Variants in GABBR2 observed in about 807,000 individuals in gnomAD.
GABBR2 encodes the protein gamma-aminobutyric acid type B receptor subunit 2.
GABBR2 carries 23 observed loss-of-function variants against 105.6 expected under a neutral mutation model. That is an observed-to-expected ratio of 0.22 (90% CI 0.16 to 0.31). The LOEUF (loss-of-function observed/expected upper bound fraction) is 0.31. Among genes scored for constraint, GABBR2 ranks in the 10% least tolerant of loss-of-function variants. The pLI is 1.00. For synonymous variants in GABBR2, 478 were observed against 499.7 expected (o/e 0.96, Z 0.58); for missense variants, 734 against 1,245.5 (o/e 0.59, Z 6.18).
intron 4 of GABBR2, among the ~76,000 whole-genome samples, chr9:98,494,114 G>T (rs961540847): frequency 6.6e-6 from 1 of 152,212 alleles, no homozygotes; most frequent in African/African-American, 2.4e-5. Flanking sequence ...GCCACAAACT[G>T]CCAAGGATTA....
At chr9:98,463,602 C>T (rs529089402) in intron 6 of GABBR2, among the ~76,000 whole-genome samples, 2 of 45,076 alleles carry the variant, frequency 4.4e-5, no homozygotes, top group South Asian at 6.5e-4. Flanking sequence ...TCTCGCTCTC[C>T]GTCTCGCTCT....
intron 2 of GABBR2, among the ~76,000 whole-genome samples, chr9:98,560,222 A>T (rs1384129332): frequency 6.6e-6 from 1 of 152,144 alleles, no homozygotes; most frequent in Non-Finnish European, 1.5e-5. Flanking sequence ...TCAACCCCTA[A>T]ACAGTGAAAA....
At chr9:98,421,299 G>A (rs1285544318) in intron 7 of GABBR2, among the ~76,000 whole-genome samples, 1 of 152,084 alleles carries the variant, frequency 6.6e-6, no homozygotes, top group East Asian at 1.9e-4. Context: ...CGAAAAGCAA[G>A]TATGTATAAA....
chr9:98,527,049 T>C (rs535068249), intron 3 of GABBR2, among the ~76,000 whole-genome samples: 79 of 149,194 alleles, frequency 5.3e-4, no homozygotes, highest in African/African-American at 1.9e-3. Context: ...TGAAGCAATA[T>C]TAACGACAAT....
chr9:98,433,288 G>C (rs1825844775), intron 7 of GABBR2, among the ~76,000 whole-genome samples: 1 of 152,182 alleles, frequency 6.6e-6, no homozygotes, highest in African/African-American at 2.4e-5. Flanking sequence ...GCATGCTTGA[G>C]AGAGAATCTA....
intron 12 of GABBR2, among the ~76,000 whole-genome samples, chr9:98,367,516 G>C (rs570022184): frequency 6.6e-6 from 1 of 152,250 alleles, no homozygotes; most frequent in East Asian, 1.9e-4. Flanking sequence ...TGGAGTTTCA[G>C]TTTGGGAAGA....
intron 1 of GABBR2, among the ~76,000 whole-genome samples, chr9:98,696,270 G>A (rs1163086523): frequency 6.6e-6 from 1 of 152,234 alleles, no homozygotes; most frequent in Non-Finnish European, 1.5e-5. Flanking sequence ...TGTGCAGGGA[G>A]GAGCACACTC....
intron 11 of GABBR2, among the ~76,000 whole-genome samples, chr9:98,385,103 C>T (rs1334865594): frequency 6.6e-6 from 1 of 152,156 alleles, no homozygotes; most frequent in Non-Finnish European, 1.5e-5. Flanking sequence ...GACTCTGACC[C>T]TTGGCGCTGA....
chr9:98,311,233 G>C, intron 13 of GABBR2, 28 bp from the exon 14 acceptor site: 1 of 1,375,700 alleles, frequency 7.3e-7, no homozygotes. Flanking sequence ...AGAGACTCAG[G>C]GATGGCACAG....
At chr9:98,544,265 C>T (rs1321980080) in intron 2 of GABBR2, among the ~76,000 whole-genome samples, 3 of 152,222 alleles carry the variant, frequency 2.0e-5, no homozygotes, top group African/African-American at 2.4e-5. Flanking sequence ...CCTAGAACCA[C>T]GTTCCCCTTA....
chr9:98,343,795 T>C lies in GABBR2; in HGVS notation c.1893+18920A>G, dbSNP rs185449881. On this transcript the variant is annotated intron_variant, in intron 13 of 18. Transcript: ENST00000259455. The stretch of plus-strand genomic sequence containing the variant: ...ATGTCGTGAACCCGGGAGGTGGAGC[T>C]TGCAGTGAGCCGAGATTGCCCCACT... Among the ~76,000 whole-genome samples, 1,013 of 151,948 alleles carry C rather than the reference T, an allele frequency of 6.7e-3. 15 individuals are homozygous for C. The highest frequency in any genetic ancestry group is 0.023 in the African/African-American group (952 of 41,402).
chr9:98,449,500 A>G (rs1826195214), intron 7 of GABBR2, among the ~76,000 whole-genome samples: 1 of 152,180 alleles, frequency 6.6e-6, no homozygotes. Context: ...AGAATCTCTC[A>G]GACTGCTGTT....
chr9:98,317,462 G>A (rs1215110939), intron 13 of GABBR2, among the ~76,000 whole-genome samples: 1 of 152,242 alleles, frequency 6.6e-6, no homozygotes, highest in Non-Finnish European at 1.5e-5. Context: ...ATAAGTGGAG[G>A]TGTTGAGGCC....
At chr9:98,696,688 C>T (rs1467511623) in intron 1 of GABBR2, among the ~76,000 whole-genome samples, 1 of 152,160 alleles carries the variant, frequency 6.6e-6, no homozygotes, top group Non-Finnish European at 1.5e-5. Context: ...AAGGAAGCAC[C>T]ACTATTACCC....
chr9:98,372,602 G>A (rs1831804315), intron 11 of GABBR2, among the ~76,000 whole-genome samples: 2 of 152,234 alleles, frequency 1.3e-5, no homozygotes, highest in South Asian at 2.1e-4. Context: ...CAGGCCCTCT[G>A]CATCCAGAGG....
intron 1 of GABBR2, among the ~76,000 whole-genome samples, chr9:98,616,891 A>C (rs1829594315): frequency 6.6e-6 from 1 of 152,220 alleles, no homozygotes; most frequent in African/African-American, 2.4e-5. Context: ...TATTTTCTAC[A>C]TTTTAAAACT....
chr9:98,295,286 G>A (rs1830362529), intron 17 of GABBR2, among the ~76,000 whole-genome samples: 1 of 152,292 alleles, frequency 6.6e-6, no homozygotes, highest in African/African-American at 2.4e-5. Flanking sequence ...TTGTAAATAA[G>A]TATCTTCCTG....
intron 1 of GABBR2, among the ~76,000 whole-genome samples, chr9:98,644,042 C>T (rs1830000836): frequency 6.6e-6 from 1 of 152,218 alleles, no homozygotes; most frequent in Non-Finnish European, 1.5e-5. Context: ...CTGTCACTTA[C>T]AACCCAGAAT....
chr9:98,532,325 GAGA>G (rs1404024345), intron 3 of GABBR2, among the ~76,000 whole-genome samples: 1 of 152,204 alleles, frequency 6.6e-6, no homozygotes. Context: ...GAAGAGCACA[GAGA>G]AGGAGAGGAT....
Sources: gnomAD v4.1 joint callset for allele counts (sites outside exome capture counted in the v4.1 genomes callset) on GRCh38, gnomAD v4.1.1 for gene constraint, MANE v1.5 for transcripts, NCBI Gene and HGNC (gene_info 2026-07-23, HGNC 2026-07-21) for gene names.